Variants in TXLNB observed in about 807,000 individuals in gnomAD.
The protein encoded by TXLNB is taxilin beta.
TXLNB carries 37 observed loss-of-function variants against 57.4 expected under a neutral mutation model. The ratio of observed to expected loss-of-function variants is 0.64; its 90% CI spans 0.50 to 0.85. The LOEUF is 0.85. Ranked by LOEUF, TXLNB falls within the 40% of genes least tolerant of loss-of-function variation. The pLI is 0.00. For synonymous variants in TXLNB, 302 were observed against 309.6 expected, an observed-to-expected ratio of 0.98 and a Z score of 0.26; for missense variants, 848 against 825.6, an observed-to-expected ratio of 1.03 and a Z score of -0.33.
At chr6:139,189,856 C>T in the TXLNB span, among the ~76,000 whole-genome samples, 1,065 of 152,292 alleles carry the variant, frequency 7.0e-3, 14 homozygotes, top group Non-Finnish European at 8.1e-3. Context: ...ATGGAAGTCA[C>T]GTGATGGGAT....
At chr6:139,168,111 A>C in the TXLNB span, among the ~76,000 whole-genome samples, 1 of 152,328 alleles carries the variant, frequency 6.6e-6, no homozygotes, top group South Asian at 2.1e-4. Flanking sequence ...TACCCAGACA[A>C]ACATTTTCAA....
upstream of TXLNB, among the ~76,000 whole-genome samples, chr6:139,293,946 A>T (rs910608803): frequency 1.3e-5 from 2 of 152,218 alleles, no homozygotes; most frequent in Non-Finnish European, 2.9e-5. Flanking sequence ...ACCCGATCAC[A>T]TCTCTTAGTA....
chr6:139,320,407 G>A, the TXLNB span, among the ~76,000 whole-genome samples: 8 of 152,102 alleles, frequency 5.3e-5, no homozygotes, highest in East Asian at 7.7e-4. Context: ...TTGCTAGCTC[G>A]TTATGAGTTG....
At chr6:139,205,369 C>A in the TXLNB span, among the ~76,000 whole-genome samples, 1 of 152,186 alleles carries the variant, frequency 6.6e-6, no homozygotes, top group African/African-American at 2.4e-5. Context: ...TCAAGTAATC[C>A]ACCCGCCTCA....
intron 6 of TXLNB, among the ~76,000 whole-genome samples, chr6:139,257,261 T>C (rs1776368423): frequency 1.3e-5 from 2 of 152,214 alleles, no homozygotes; most frequent in South Asian, 4.1e-4. Context: ...CTTGTCTGGA[T>C]AATTCTCTAG....
At chr6:139,166,862 C>T in the TXLNB span, 1 of 1,613,960 alleles carries the variant, frequency 6.2e-7, no homozygotes, top group Non-Finnish European at 8.5e-7. Flanking sequence ...CTCTCCTGCC[C>T]ACTTCAGCGG....
At chr6:139,168,461 C>T in the TXLNB span, among the ~76,000 whole-genome samples, 4 of 147,274 alleles carry the variant, frequency 2.7e-5, no homozygotes, top group East Asian at 4.0e-4. Context: ...CTAGTTCTCA[C>T]TCTCCAGCAG....
the TXLNB span, among the ~76,000 whole-genome samples, chr6:139,187,669 T>C: frequency 1.3e-4 from 20 of 152,328 alleles, no homozygotes; most frequent in East Asian, 2.3e-3. Context: ...GGAAACCATA[T>C]GCAGATGGTG....
At chr6:139,289,966 T>C (rs536126136) in intron 1 of TXLNB, among the ~76,000 whole-genome samples, 1 of 152,346 alleles carries the variant, frequency 6.6e-6, no homozygotes, top group East Asian at 1.9e-4. Context: ...AGAGGAGACA[T>C]TTCTCACTTT....
At chr6:139,280,749 G>C (rs2114611344) in intron 2 of TXLNB, among the ~76,000 whole-genome samples, 1 of 152,230 alleles carries the variant, frequency 6.6e-6, no homozygotes, top group East Asian at 1.9e-4. Flanking sequence ...CCACCTTCCT[G>C]ATTTCCATGA....
chr6:139,303,629 T>C, the TXLNB span, among the ~76,000 whole-genome samples: 4 of 151,786 alleles, frequency 2.6e-5, no homozygotes, highest in Non-Finnish European at 5.9e-5. Context: ...TATAAGTAAT[T>C]ATAAATTACT....
intron 8 of TXLNB, 58 bp downstream of exon 8, chr6:139,247,759 A>T: frequency 7.9e-7 from 1 of 1,272,346 alleles, no homozygotes; most frequent in Non-Finnish European, 1.1e-6. Context: ...AAACCAAAGG[A>T]AATTTGCCTG....
At chr6:139,320,321 C>T in the TXLNB span, among the ~76,000 whole-genome samples, 1 of 152,084 alleles carries the variant, frequency 6.6e-6, no homozygotes, top group Non-Finnish European at 1.5e-5. Flanking sequence ...TCTATTCTTC[C>T]TTTAGGTTTC....
Position 139,242,844 on chromosome 6 carries a change from A to G in TXLNB, c.1737T>C (p.Asn579=). 2 of 1,614,102 alleles carry G rather than the reference A, an allele frequency of 1.2e-6. No individual in the cohort carries two copies. The highest frequency in any genetic ancestry group is 4.5e-5 in the East Asian group (2 of 44,856). The change falls in exon 10 of 10, where the codon AAT becomes AAC. Residue 579 remains asparagine, a synonymous_variant. Transcript: ENST00000358430. ...SDAEPPSKAS[N]SPAGLGAETQ... The stretch of plus-strand genomic sequence containing the variant: ...TTTCTGCTCCCAACCCGGCAGGAGA[A>G]TTACTGGCCTTGGAGGGAGGTTCAG...
the TXLNB span, among the ~76,000 whole-genome samples, chr6:139,200,840 A>G: frequency 6.6e-6 from 1 of 152,246 alleles, no homozygotes; most frequent in African/African-American, 2.4e-5. Context: ...CAGTGACAAA[A>G]CACCAACTTT....
chr6:139,185,387 G>T, the TXLNB span, among the ~76,000 whole-genome samples: 4 of 152,152 alleles, frequency 2.6e-5, no homozygotes, highest in Non-Finnish European at 4.4e-5. Flanking sequence ...TCACTTTAAA[G>T]ACATAAGTTT....
the TXLNB span, among the ~76,000 whole-genome samples, chr6:139,305,698 A>G: frequency 6.6e-6 from 1 of 152,238 alleles, no homozygotes; most frequent in Non-Finnish European, 1.5e-5. Flanking sequence ...GGTACTATGT[A>G]TAATGTTAAG....
At chr6:139,175,694 A>G in the TXLNB span, among the ~76,000 whole-genome samples, 1 of 152,320 alleles carries the variant, frequency 6.6e-6, no homozygotes, top group African/African-American at 2.4e-5. Context: ...ACCCAGGTCT[A>G]CATACATTGT....
the TXLNB span, among the ~76,000 whole-genome samples, chr6:139,214,801 G>C: frequency 6.6e-6 from 1 of 152,148 alleles, no homozygotes; most frequent in African/African-American, 2.4e-5. Context: ...AAATCAATGT[G>C]CAAAAATCAC....
Sources: gnomAD v4.1 joint callset for allele counts (sites outside exome capture counted in the v4.1 genomes callset) on GRCh38, gnomAD v4.1.1 for gene constraint, MANE v1.5 for transcripts, NCBI Gene and HGNC (gene_info 2026-07-23, HGNC 2026-07-21) for gene names.